The following SYT2 variants were observed in gnomAD, a reference collection of about 807,000 sequenced individuals.
SYT2 encodes the protein synaptotagmin-2.
In SYT2, 15 loss-of-function variants were observed where a neutral mutation model predicts 39.9. The ratio of observed to expected loss-of-function variants is 0.38; its 90% CI spans 0.25 to 0.58. The LOEUF is 0.58. SYT2 is among the 20% of genes least tolerant of loss of function. The pLI, the probability that SYT2 is intolerant of heterozygous loss-of-function variation, is 0.70. For missense variants in SYT2, 389 were observed against 530.3 expected (o/e 0.73, Z 2.62); for synonymous variants, 181 against 204.5 (o/e 0.89, Z 0.98).
intron 1 of SYT2, among the ~76,000 whole-genome samples, chr1:202,690,128 C>T (rs991370516): frequency 1.3e-5 from 2 of 152,114 alleles, no homozygotes; most frequent in Admixed American, 1.3e-4. Context: ...TCCACTCCCC[C>T]TGAAGGCAAC....
At chr1:202,597,090 T>G in intron 8 of SYT2, 127 bp from the exon 9 acceptor site, 1 of 762,532 alleles carries the variant, frequency 1.3e-6, no homozygotes, top group Non-Finnish European at 2.1e-6. Flanking sequence ...CTTGGTTTCA[T>G]CTCTGCTCCA....
At chr1:202,649,116 A>G (rs1174291159) in intron 1 of SYT2, among the ~76,000 whole-genome samples, 1 of 152,252 alleles carries the variant, frequency 6.6e-6, no homozygotes, top group African/African-American at 2.4e-5. Flanking sequence ...GCCTTGACAG[A>G]CAGGCACATC....
intron 1 of SYT2, among the ~76,000 whole-genome samples, chr1:202,657,802 C>T (rs1293016510): frequency 6.6e-6 from 1 of 152,056 alleles, no homozygotes; most frequent in East Asian, 1.9e-4. Context: ...AGGGTGAAAG[C>T]AGAGGGCTAC....
At chr1:202,632,929 C>T (rs1285959159) in intron 1 of SYT2, 1 of 152,172 alleles carries the variant, frequency 6.6e-6, no homozygotes, top group Non-Finnish European at 1.5e-5. Flanking sequence ...GTAAATGCAC[C>T]ATCCTGTATG....
At chr1:202,613,895 A>C (rs895308019) in intron 1 of SYT2, among the ~76,000 whole-genome samples, 6 of 152,256 alleles carry the variant, frequency 3.9e-5, no homozygotes, top group African/African-American at 1.2e-4. Flanking sequence ...TGATTTCTTC[A>C]ATATAAAATT....
intron 5 of SYT2, 81 bp downstream of exon 5, chr1:202,602,297 G>T: frequency 6.8e-7 from 1 of 1,467,304 alleles, no homozygotes; most frequent in African/African-American, 1.4e-5. Context: ...CCATGGCTAA[G>T]GACCAAGGAA....
chr1:202,662,596 T>C (rs1692402471), intron 1 of SYT2, among the ~76,000 whole-genome samples: 1 of 152,160 alleles, frequency 6.6e-6, no homozygotes, highest in Admixed American at 6.5e-5. Flanking sequence ...AAAGACCCTA[T>C]GTACTCCATC....
intron 1 of SYT2, among the ~76,000 whole-genome samples, chr1:202,697,551 T>C (rs949277484): frequency 6.6e-6 from 1 of 152,236 alleles, no homozygotes; most frequent in African/African-American, 2.4e-5. Context: ...AGTAGGGCAA[T>C]GGCCAAGACC....
At chr1:202,615,217 A>G (rs1281552540) in intron 1 of SYT2, among the ~76,000 whole-genome samples, 1 of 152,184 alleles carries the variant, frequency 6.6e-6, no homozygotes, top group East Asian at 1.9e-4. Context: ...CCAGACTCCA[A>G]CAAAACCAGG....
intron 1 of SYT2, among the ~76,000 whole-genome samples, chr1:202,642,403 G>T (rs1253147727): frequency 6.6e-6 from 1 of 151,770 alleles, no homozygotes; most frequent in Non-Finnish European, 1.5e-5. Flanking sequence ...GGCACCATGC[G>T]CTCCATCATC....
Position 202,654,001 on chromosome 1 carries a change from C to T in SYT2, c.-17-48212G>A, listed in dbSNP as rs140665446. Among the ~76,000 whole-genome samples, 499 of 152,300 alleles carry T rather than the reference C, an allele frequency of 3.3e-3. 3 individuals are homozygous for T. Among genetic ancestry groups the T allele is most frequent in the African/African-American group, 0.011 (474 of 41,566 alleles). On this transcript the variant is annotated intron_variant, in intron 1 of 8. Transcript: ENST00000367268. ...CAAAGTCTGAAGGTGGCCAGTGGGG[C>T]TTCAAGGGCCCTGGCAGCCTGCTTT...
intron 1 of SYT2, among the ~76,000 whole-genome samples, chr1:202,624,119 C>T (rs1449198726): frequency 4.6e-5 from 7 of 151,874 alleles, no homozygotes; most frequent in East Asian, 1.9e-4. Context: ...AATAGGAGTG[C>T]GTGAGTGTGG....
chr1:202,629,878 G>GGGGGGGT (rs1553338299), intron 1 of SYT2, among the ~76,000 whole-genome samples: 2 of 119,398 alleles, frequency 1.7e-5, no homozygotes, highest in African/African-American at 6.7e-5. Flanking sequence ...GGGGGGGGGG[G>GGGGGGGT]GGTGGTACGG....
intron 1 of SYT2, among the ~76,000 whole-genome samples, chr1:202,629,364 A>G (rs1315804185): frequency 6.6e-6 from 1 of 151,616 alleles, no homozygotes. Context: ...CTTCCCCAAT[A>G]CTCAGGCCTC....
At chr1:202,650,083 G>C (rs1398740866) in intron 1 of SYT2, among the ~76,000 whole-genome samples, 1 of 152,258 alleles carries the variant, frequency 6.6e-6, no homozygotes, top group Non-Finnish European at 1.5e-5. Flanking sequence ...TCTAAGAACA[G>C]ATGTTTGGCA....
chr1:202,685,543 G>C (rs1653641123), intron 1 of SYT2, among the ~76,000 whole-genome samples: 1 of 152,086 alleles, frequency 6.6e-6, no homozygotes, highest in African/African-American at 2.4e-5. Context: ...GCCCTTCGTT[G>C]ACCCAGCTTC....
intron 1 of SYT2, chr1:202,639,698 T>C: frequency 1.0e-6 from 1 of 985,494 alleles, no homozygotes; most frequent in Non-Finnish European, 1.2e-6. Flanking sequence ...CTCAGACTCA[T>C]GCTGCTTGCT....
intron 1 of SYT2, among the ~76,000 whole-genome samples, chr1:202,684,104 A>T (rs1323699461): frequency 6.6e-6 from 1 of 152,182 alleles, no homozygotes; most frequent in Non-Finnish European, 1.5e-5. Flanking sequence ...TGACATTTTA[A>T]TATACATATA....
At chr1:202,650,069 G>A (rs1050755497) in intron 1 of SYT2, among the ~76,000 whole-genome samples, 6 of 152,232 alleles carry the variant, frequency 3.9e-5, no homozygotes, top group African/African-American at 1.4e-4. Flanking sequence ...AGACATGTAG[G>A]CCATCTAAGA....
Sources: gnomAD v4.1 joint callset for allele counts (sites outside exome capture counted in the v4.1 genomes callset) on GRCh38, gnomAD v4.1.1 for gene constraint, MANE v1.5 for transcripts, NCBI Gene and HGNC (gene_info 2026-07-23, HGNC 2026-07-21) for gene names.